KLB: variants seen among roughly 807,000 people sequenced by gnomAD.
KLB encodes beta-klotho.
Under a neutral mutation model 88.4 loss-of-function variants are expected in KLB, and 44 were observed. The ratio of observed to expected loss-of-function variants is 0.50; its 90% CI spans 0.39 to 0.64. The LOEUF is 0.64. Among genes scored for constraint, KLB ranks in the 30% least tolerant of loss-of-function variants. The probability of loss-of-function intolerance (pLI) is 0.00; values close to 1 mark genes in which losing one functional copy is unlikely to be tolerated. For synonymous variants in KLB, 548 were observed against 513.4 expected, an observed-to-expected ratio of 1.07 and a Z score of -0.91; for missense variants, 1,137 against 1,304.8, an observed-to-expected ratio of 0.87 and a Z score of 1.98.
chr4:39,428,760 G>A (rs536478999), intron 1 of KLB, among the ~76,000 whole-genome samples: 4 of 152,258 alleles, frequency 2.6e-5, no homozygotes, highest in African/African-American at 7.2e-5. Context: ...AGGCTGAAGC[G>A]CAGTGGCGTG....
Position 39,434,566 on chromosome 4 carries a change from T to A in KLB, c.1182T>A (p.Leu394=). ...TMAKMGQNVS[L]NLREALNWIK... Reference sequence around the variant, plus strand: ...CTAAAATGGGACAAAATGTTTCACTTAATTTAAGAGAAGCGCTGAACTGGA... The same window carrying A: ...CTAAAATGGGACAAAATGTTTCACTAAATTTAAGAGAAGCGCTGAACTGGA... The change falls in exon 2 of 5, where the codon CTT becomes CTA. Residue 394 remains leucine, a synonymous_variant. Coordinates refer to ENST00000257408, the MANE Select transcript of KLB (RefSeq NM_175737.4). 1.2e-6 allele frequency: 2 copies of A among 1,614,170 alleles called. No individual in the cohort carries two copies. Among genetic ancestry groups the A allele is most frequent in the Non-Finnish European group, 1.7e-6 (2 of 1,180,028 alleles).
At chr4:39,439,664 C>CT (rs56870853) in intron 3 of KLB, among the ~76,000 whole-genome samples, 23,196 of 135,812 alleles carry the variant, frequency 0.17, 2,194 homozygotes, top group African/African-American at 0.27. Context: ...GCAAATTTTT[C>CT]TTTTTTTTTT....
At chr4:39,424,206 G>A (rs929096171) in intron 1 of KLB, among the ~76,000 whole-genome samples, 1 of 151,622 alleles carries the variant, frequency 6.6e-6, no homozygotes, top group Non-Finnish European at 1.5e-5. Context: ...GAGTAGCTGG[G>A]ATTACAGGTG....
intron 1 of KLB, among the ~76,000 whole-genome samples, chr4:39,427,536 G>A (rs1431493091): frequency 6.7e-6 from 1 of 150,060 alleles, no homozygotes; most frequent in African/African-American, 2.5e-5. Flanking sequence ...GGGCTAAGCA[G>A]ATGAAAAGAT....
At position 39,407,077 on chromosome 4, in the gene KLB, C is replaced by T. The variant is rs1202673300; in HGVS notation, c.128C>T (p.Ala43Val). 3.1e-6 allele frequency: 5 copies of T among 1,613,892 alleles called. No homozygotes were observed. Among genetic ancestry groups the T allele is most frequent in the Non-Finnish European group, 4.2e-6 (5 of 1,179,880 alleles). The change falls in exon 1 of 5, where the codon GCA becomes GTA. Residue 43 changes from alanine to valine, a missense_variant. Around this residue, in one of 4 missense-constraint regions of KLB, gnomAD observed 111 missense variants for 118.3 expected, o/e 0.94. Coordinates refer to ENST00000257408, the MANE Select transcript of KLB (RefSeq NM_175737.4). ...TTGCAAAGATCTGTCATCCTGTCAG[C>T]ACTTATTCTGCTACGAGCTGTTACT... ...GGLQRSVILS[A>V]LILLRAVTGF...
chr4:39,438,790 T>TAAC (rs898689959), intron 3 of KLB, among the ~76,000 whole-genome samples: 13 of 152,206 alleles, frequency 8.5e-5, no homozygotes, highest in Non-Finnish European at 1.8e-4. Flanking sequence ...ATTATTATTT[T>TAAC]AACTATGCTA....
intron 3 of KLB, among the ~76,000 whole-genome samples, chr4:39,444,953 G>C (rs1743702734): frequency 6.6e-6 from 1 of 152,150 alleles, no homozygotes; most frequent in Non-Finnish European, 1.5e-5. Context: ...GTTAATTATA[G>C]TTTTTTCCTG....
At chr4:39,434,154 T>C (rs943405904) in intron 1 of KLB, 56 bp from the exon 2 acceptor site, 2 of 1,482,760 alleles carry the variant, frequency 1.3e-6, no homozygotes, top group African/African-American at 2.8e-5. Context: ...TTACCAGCCA[T>C]GTTACAGCCC....
At chr4:39,443,495 A>C (rs905052846) in intron 3 of KLB, among the ~76,000 whole-genome samples, 2 of 151,692 alleles carry the variant, frequency 1.3e-5, no homozygotes, top group African/African-American at 2.4e-5. Context: ...CTGTAATCCT[A>C]GCACTTTGGG....
At position 39,437,830 on chromosome 4, in the gene KLB, T is replaced by G. The variant is rs776640866; in HGVS notation, c.1440T>G (p.Tyr480Ter). 2.5e-6 allele frequency: 4 copies of G among 1,614,224 alleles called. No homozygotes were observed. Among genetic ancestry groups the G allele is most frequent in the Non-Finnish European group, 3.4e-6 (4 of 1,180,038 alleles). Residue 480 changes from tyrosine to a stop codon, truncating the protein, a stop_gained, in exon 3 of 5, where the codon TAT (tyrosine) becomes TAG (stop). Transcript: ENST00000257408. LOFTEE classifies it high-confidence loss of function. The part of the protein sequence containing the change: ...DAYTIRRGLF[Y>*]VDFNSKQKER... ...ACACCATCCGCCGAGGATTATTTTA[T>G]GTGGATTTTAACAGTAAACAGAAAG...
In KLB at chr4:39,437,871, C is replaced by G; in HGVS notation, c.1481C>G (p.Ser494Cys). The part of the protein sequence containing the change: ...NSKQKERKPK[S>C]SAHYYKQIIR... ...AAACAGAAAGAGCGGAAACCTAAGT[C>G]TTCAGCACACTACTACAAACAGATC... Residue 494 changes from serine to cysteine, a missense_variant, in exon 3 of 5, where the codon TCT becomes TGT. By Grantham distance (112) the Ser-to-Cys change is moderately radical. Transcript: ENST00000257408. 1 of 1,614,190 alleles carries G rather than the reference C, an allele frequency of 6.2e-7. No homozygotes were observed. The highest frequency in any genetic ancestry group is 1.1e-5 in the South Asian group (1 of 91,088).
chr4:39,446,213 T>C lies in KLB; in HGVS notation c.1606-119T>C. 1.2e-6 allele frequency: 1 copy of C among 841,416 alleles called. No homozygotes were observed. 52.1% of individuals were successfully genotyped at this position (841,416 alleles called of 1,614,324 possible). On this transcript the variant is annotated intron_variant, in intron 3 of 4. Transcript: ENST00000257408. The surrounding 1 kb of genome is among the most constrained non-coding windows in gnomAD (Gnocchi z 6.4). ...GGTCTCCTTGGGAGATTTCAAGGGC[T>C]GGAATAGGCCTGGCGTGGTGGCCTG... is the stretch of plus-strand genomic sequence containing the variant.
intron 2 of KLB, 30 bp from the exon 3 acceptor site, chr4:39,437,697 G>GTAA (rs775972511): frequency 9.5e-6 from 15 of 1,579,886 alleles, no homozygotes; most frequent in Non-Finnish European, 1.3e-5. Flanking sequence ...TTAGGCCTCT[G>GTAA]AACATCTCTG....
At chr4:39,437,536 T>C (rs2109838688) in intron 2 of KLB, among the ~76,000 whole-genome samples, 191 bp from the exon 3 acceptor site, 1 of 152,328 alleles carries the variant, frequency 6.6e-6, no homozygotes, top group Middle Eastern at 3.4e-3. Context: ...GATCAGGAGA[T>C]ACCAATCTGG....
intron 1 of KLB, chr4:39,412,033 A>G (rs569779223): frequency 6.6e-6 from 1 of 151,968 alleles, no homozygotes; most frequent in Admixed American, 6.5e-5. Context: ...TACATACAGA[A>G]GGATATAATC....
intron 3 of KLB, among the ~76,000 whole-genome samples, chr4:39,442,768 C>A (rs1322485695): frequency 6.6e-6 from 1 of 152,108 alleles, no homozygotes; most frequent in Non-Finnish European, 1.5e-5. Flanking sequence ...TGATAAATTG[C>A]GGACATCATT....
At position 39,446,481 on chromosome 4, in the gene KLB, A is replaced by G. The variant is rs1479513854; in HGVS notation, c.1755A>G (p.Gln585=). ...CAGATTTTGTAAACATCAAAAAACA[A>G]CTTGAGATGTTGGCAAGAATGAAAG... is the stretch of plus-strand genomic sequence containing the variant. ...QCTDFVNIKK[Q]LEMLARMKVT... The change falls in exon 4 of 5, where the codon CAA becomes CAG. Residue 585 remains glutamine, a synonymous_variant. Transcript: ENST00000257408. The surrounding 1 kb of genome is among the most constrained non-coding windows in gnomAD (Gnocchi z 6.4). 6.2e-7 allele frequency: 1 copy of G among 1,614,230 alleles called. No individual in the cohort carries two copies.
chr4:39,407,393 T>C lies in KLB; in HGVS notation c.444T>C (p.Phe148=). The change falls in exon 1 of 5, where the codon TTT becomes TTC. Residue 148 remains phenylalanine, a synonymous_variant. Coordinates refer to ENST00000257408, the MANE Select transcript of KLB (RefSeq NM_175737.4). ...CCCTGGATTTTATAGGAGTTTCTTT[T>C]TATCAATTTTCAATTTCCTGGCCAA... ...LSALDFIGVS[F]YQFSISWPRL... is the part of the protein sequence containing the mutation. 6.2e-7 allele frequency: 1 copy of C among 1,613,572 alleles called. No homozygotes were observed. Among genetic ancestry groups the C allele is most frequent in the Non-Finnish European group, 8.5e-7 (1 of 1,179,884 alleles).
At chr4:39,422,886 C>T (rs1743119915) in intron 1 of KLB, among the ~76,000 whole-genome samples, 1 of 148,936 alleles carries the variant, frequency 6.7e-6, no homozygotes, top group Non-Finnish European at 1.5e-5. Flanking sequence ...CTCAGCCTCC[C>T]GAGTAGAGTA....
Sources: allele counts gnomAD v4.1 joint callset (sites outside exome capture counted in the v4.1 genomes callset), GRCh38; gene constraint gnomAD v4.1.1; regional missense constraint gnomAD v4.1.1; non-coding constraint Gnocchi (gnomAD v3.1); transcripts MANE v1.5; gene names NCBI Gene and HGNC (gene_info 2026-07-23, HGNC 2026-07-21).